The following PGBD5 variants were observed in gnomAD, a reference collection of about 807,000 sequenced individuals.
PGBD5 encodes the protein piggyBac transposable element derived 5.
A neutral mutation model predicts 47.9 loss-of-function variants in PGBD5; 14 were observed. The ratio of observed to expected loss-of-function variants is 0.29; its 90% CI spans 0.19 to 0.46. PGBD5 has a LOEUF of 0.46. Among genes scored for constraint, PGBD5 ranks in the 20% least tolerant of loss-of-function variants. PGBD5 has a pLI of 1.00. For synonymous variants in PGBD5, 316 were observed against 306.3 expected (o/e 1.03, Z -0.33); for missense variants, 635 against 716.0 (o/e 0.89, Z 1.29).
Position 230,344,420 on chromosome 1 carries a change from G to A in PGBD5, c.894+6538C>T, listed in dbSNP as rs1046231189. Among the ~76,000 whole-genome samples, 7 of 152,204 alleles carry A rather than the reference G, an allele frequency of 4.6e-5. No individual in the cohort carries two copies. In the South Asian group the frequency reaches 6.2e-4, roughly 14 times the overall value. ...AGTTTCCTTACCAAGAAACAGTGGC[G>A]GTGACATTACTTGCCTCTTAAGGCC... On this transcript the variant is annotated intron_variant, in intron 3 of 6. Coordinates refer to ENST00000391860, the MANE Select transcript of PGBD5 (RefSeq NM_001258311.2).
rs558193677 is a variant in PGBD5 at position 230,350,649 on chromosome 1, A to G, written c.894+309T>C. ...TCGTATGACCCACTGTTTGGGTGACACTTCCAGCCAACATTGCTACGGCCT... is the reference window on the plus strand; with the variant it reads ...TCGTATGACCCACTGTTTGGGTGACGCTTCCAGCCAACATTGCTACGGCCT... On this transcript the variant is annotated intron_variant, in intron 3 of 6. Coordinates refer to ENST00000391860, the MANE Select transcript of PGBD5 (RefSeq NM_001258311.2). 2.0e-5 allele frequency among the ~76,000 whole-genome samples: 3 copies of G among 152,266 alleles called. No individual in the cohort carries two copies. The South Asian group carries it at 6.2e-4, about 32-fold the overall frequency.
intron 1 of PGBD5, among the ~76,000 whole-genome samples, chr1:230,384,129 C>T (rs550356492): frequency 2.6e-5 from 4 of 152,218 alleles, no homozygotes; most frequent in African/African-American, 9.6e-5. Context: ...CAAAGAGGGT[C>T]GGAGCAACCG....
chr1:230,390,006 A>G (rs1485110442), intron 1 of PGBD5, among the ~76,000 whole-genome samples: 1 of 152,208 alleles, frequency 6.6e-6, no homozygotes, highest in Non-Finnish European at 1.5e-5. Flanking sequence ...TGAATCACAC[A>G]GCCAGAAGGT....
intron 1 of PGBD5, among the ~76,000 whole-genome samples, chr1:230,391,299 G>A (rs1169727387): frequency 1.3e-5 from 2 of 152,140 alleles, no homozygotes; most frequent in African/African-American, 4.8e-5. Flanking sequence ...AAAACATTTA[G>A]GAAAGATTCA....
At chr1:230,413,301 G>A (rs970188431) in intron 1 of PGBD5, among the ~76,000 whole-genome samples, 1 of 152,100 alleles carries the variant, frequency 6.6e-6, no homozygotes, top group East Asian at 1.9e-4. Flanking sequence ...TCCCTATTCT[G>A]TCTCAGAGGG....
rs1195966206 is a variant in PGBD5, at chr1:230,372,778, A to G, written c.332-15457T>C. ...CCTGGACAGAAGATGATCAGAATAA[A>G]TGATGTGTGAGTCCCTTCAGAGATC... On this transcript the variant is annotated intron_variant, in intron 1 of 6. Transcript: ENST00000391860. 7.2e-5 allele frequency among the ~76,000 whole-genome samples: 11 copies of G among 152,200 alleles called. No individual in the cohort carries two copies. The East Asian group carries it at 1.7e-3, about 24-fold the overall frequency.
At chr1:230,334,418 G>A (rs374009994) in intron 4 of PGBD5, among the ~76,000 whole-genome samples, 16 of 152,350 alleles carry the variant, frequency 1.1e-4, no homozygotes, top group African/African-American at 3.1e-4. Flanking sequence ...CTGCATGTTC[G>A]TAAGAGGGAA....
chr1:230,372,492 C>G (rs139330232), intron 1 of PGBD5, among the ~76,000 whole-genome samples: 1 of 152,310 alleles, frequency 6.6e-6, no homozygotes, highest in African/African-American at 2.4e-5. Context: ...CATCATCCCA[C>G]GAATGTTCTC....
At chr1:230,335,754 C>CAG (rs1667305957) in intron 4 of PGBD5, among the ~76,000 whole-genome samples, 1 of 140,354 alleles carries the variant, frequency 7.1e-6, no homozygotes, top group African/African-American at 2.5e-5. Flanking sequence ...AAGACACACA[C>CAG]AGATACACAG....
intron 5 of PGBD5, among the ~76,000 whole-genome samples, chr1:230,326,832 C>T (rs1667125191): frequency 6.6e-6 from 1 of 152,176 alleles, no homozygotes. Context: ...CCTCCCATCC[C>T]CCAGCTCCGT....
intron 3 of PGBD5, among the ~76,000 whole-genome samples, chr1:230,347,202 A>G (rs895797675): frequency 6.6e-6 from 1 of 152,198 alleles, no homozygotes; most frequent in Non-Finnish European, 1.5e-5. Context: ...AGCCCCCTGT[A>G]GTAGCCAGGA....
intron 2 of PGBD5, among the ~76,000 whole-genome samples, chr1:230,355,960 C>T (rs1400250420): frequency 6.6e-6 from 1 of 152,070 alleles, no homozygotes; most frequent in Non-Finnish European, 1.5e-5. Context: ...GGAAGGCACG[C>T]TATAGAGAGT....
chr1:230,352,724 G>A lies in PGBD5; in HGVS notation c.760-1632C>T, dbSNP rs531204880. On this transcript the variant is annotated intron_variant, in intron 2 of 6. Transcript: ENST00000391860. The stretch of plus-strand genomic sequence containing the variant: ...CCCTCACGCCTGGCTTCTTGCACTC[G>A]CTGGCTCTTTGTAGCTCATAAAACA... 6.6e-5 allele frequency among the ~76,000 whole-genome samples: 10 copies of A among 152,188 alleles called. No individual in the cohort carries two copies. In the South Asian group the frequency reaches 2.1e-3, roughly 32 times the overall value.
rs1395926758 is a variant in PGBD5, at chr1:230,426,225, C to G, written c.-297G>C. On this transcript the variant is annotated 5_prime_UTR_variant, in exon 1 of 7. Transcript: ENST00000391860. ...CAGAGGCTGCGGCCGAGACCAGGCG[C>G]CGCCGCCGCCACCGCCGCCACCACC... 6.6e-6 allele frequency: 1 copy of G among 150,450 alleles called. No homozygotes were observed. The highest frequency in any genetic ancestry group is 1.5e-5 in the Non-Finnish European group (1 of 68,692). 9.3% of individuals were successfully genotyped at this position (150,450 alleles called of 1,614,324 possible). A position where few individuals can be genotyped will look rare whatever the true frequency, so the allele number is the denominator to read the frequency against.
At chr1:230,417,518 G>T (rs1055400435) in intron 1 of PGBD5, among the ~76,000 whole-genome samples, 3 of 152,202 alleles carry the variant, frequency 2.0e-5, no homozygotes, top group Non-Finnish European at 4.4e-5. Context: ...CTCAGTTTAG[G>T]GGCCAGTGCG....
chr1:230,406,961 A>T (rs2102746408), intron 1 of PGBD5, among the ~76,000 whole-genome samples: 1 of 152,260 alleles, frequency 6.6e-6, no homozygotes, highest in Middle Eastern at 3.4e-3. Flanking sequence ...CAGCCTCCTT[A>T]GTAGCTGGAA....
chr1:230,392,783 C>T lies in PGBD5; in HGVS notation c.331+32815G>A, dbSNP rs183055998. ...ACAAGCCCCACAGTGCTTGGCTCTC[C>T]GGCCTGGGAAGCTGGAGGGGCTGAG... On this transcript the variant is annotated intron_variant, in intron 1 of 6. Coordinates refer to ENST00000391860, the MANE Select transcript of PGBD5 (RefSeq NM_001258311.2). 2.5e-3 allele frequency among the ~76,000 whole-genome samples: 388 copies of T among 152,248 alleles called. 2 individuals are homozygous for T. Among genetic ancestry groups the T allele is most frequent in the African/African-American group, 4.9e-3 (203 of 41,554 alleles).
intron 5 of PGBD5, among the ~76,000 whole-genome samples, chr1:230,326,706 C>T (rs1041980271): frequency 6.6e-6 from 1 of 152,116 alleles, no homozygotes; most frequent in African/African-American, 2.4e-5. Context: ...AAACTCCTGG[C>T]CTTATGTGAT....
intron 2 of PGBD5, among the ~76,000 whole-genome samples, chr1:230,351,376 T>C (rs1172370908): frequency 6.6e-6 from 1 of 152,180 alleles, no homozygotes; most frequent in Non-Finnish European, 1.5e-5. Context: ...ATTATTGTTA[T>C]TATTGGCCTA....
Sources: allele counts gnomAD v4.1 joint callset (sites outside exome capture counted in the v4.1 genomes callset), GRCh38; gene constraint gnomAD v4.1.1; transcripts MANE v1.5; gene names NCBI Gene and HGNC (gene_info 2026-07-23, HGNC 2026-07-21).